The following RBMS1 variants were observed in gnomAD, a reference collection of about 807,000 sequenced individuals.
RBMS1 encodes the protein RNA-binding motif, single-stranded-interacting protein 1.
RBMS1 carries 17 observed loss-of-function variants against 62.3 expected under a neutral mutation model. The observed-to-expected ratio is 0.27, with a 90% confidence interval of 0.19 to 0.41. The LOEUF is 0.41. Ranked by LOEUF, RBMS1 falls within the 10% of genes least tolerant of loss-of-function variation. RBMS1 has a pLI of 1.00. For synonymous variants in RBMS1, 172 were observed against 170.0 expected, an observed-to-expected ratio of 1.01 and a Z score of -0.09; for missense variants, 334 against 504.5, an observed-to-expected ratio of 0.66 and a Z score of 3.24.
At chr2:160,448,059 T>C (rs1282500134) in intron 1 of RBMS1, among the ~76,000 whole-genome samples, 1 of 152,184 alleles carries the variant, frequency 6.6e-6, no homozygotes, top group Non-Finnish European at 1.5e-5. Context: ...TAACAAAATC[T>C]GATAACAGGA....
At chr2:160,380,665 G>A (rs999243309) in intron 1 of RBMS1, among the ~76,000 whole-genome samples, 1 of 152,322 alleles carries the variant, frequency 6.6e-6, no homozygotes, top group African/African-American at 2.4e-5. Context: ...AGAAATGGTG[G>A]TTTGTTGTTG....
intron 2 of RBMS1, among the ~76,000 whole-genome samples, chr2:160,328,775 G>A (rs1242043644): frequency 3.3e-5 from 5 of 152,098 alleles, no homozygotes; most frequent in Admixed American, 3.3e-4. Context: ...CTCTAAATTT[G>A]TCACTCCTTT....
At chr2:160,329,402 A>AT (rs1196727073) in intron 2 of RBMS1, among the ~76,000 whole-genome samples, 1 of 152,164 alleles carries the variant, frequency 6.6e-6, no homozygotes, top group Non-Finnish European at 1.5e-5. Flanking sequence ...GTAAGAGCGG[A>AT]TCTGATGGAA....
At chr2:160,460,302 C>G (rs2105331069) in intron 1 of RBMS1, among the ~76,000 whole-genome samples, 1 of 152,324 alleles carries the variant, frequency 6.6e-6, no homozygotes, top group East Asian at 1.9e-4. Flanking sequence ...GCCTTCACCA[C>G]TCAGCATGTC....
intron 4 of RBMS1, among the ~76,000 whole-genome samples, chr2:160,312,343 C>T (rs1241894540): frequency 2.0e-5 from 3 of 151,762 alleles, no homozygotes; most frequent in South Asian, 4.2e-4. Flanking sequence ...AAGTCAAAAC[C>T]GTAGAGGGAA....
intron 6 of RBMS1, among the ~76,000 whole-genome samples, chr2:160,293,093 G>C (rs1170678422): frequency 6.6e-6 from 1 of 152,152 alleles, no homozygotes; most frequent in Non-Finnish European, 1.5e-5. Flanking sequence ...GAAGGTACCA[G>C]GGACATTCCA....
intron 1 of RBMS1, among the ~76,000 whole-genome samples, chr2:160,439,258 C>A (rs1028353302): frequency 6.7e-6 from 1 of 150,146 alleles, no homozygotes; most frequent in African/African-American, 2.5e-5. Flanking sequence ...ACTTCCCAGA[C>A]GGGGTGGCTG....
chr2:160,465,571 G>A (rs189557144), intron 1 of RBMS1, among the ~76,000 whole-genome samples: 190 of 152,166 alleles, frequency 1.2e-3, no homozygotes, highest in African/African-American at 4.3e-3. Flanking sequence ...CACTAACCAG[G>A]TTACAACCAA....
At chr2:160,306,151 G>GTGTGTGTA (rs1491577481) in intron 4 of RBMS1, among the ~76,000 whole-genome samples, 6 of 151,120 alleles carry the variant, frequency 4.0e-5, no homozygotes, top group African/African-American at 1.5e-4. Flanking sequence ...GTGTGTGTGT[G>GTGTGTGTA]TATACACATA....
chr2:160,282,986 G>C (rs1688183071), intron 9 of RBMS1: 1 of 152,070 alleles, frequency 6.6e-6, no homozygotes. Context: ...GCCCAGGAGA[G>C]GAAATAAGGC....
intron 2 of RBMS1, among the ~76,000 whole-genome samples, chr2:160,331,612 A>G (rs1394521647): frequency 6.6e-6 from 1 of 152,208 alleles, no homozygotes; most frequent in Non-Finnish European, 1.5e-5. Flanking sequence ...AATAAATAAG[A>G]CAGCCTGTTT....
At chr2:160,345,320 A>G (rs541433133) in intron 2 of RBMS1, among the ~76,000 whole-genome samples, 62 of 152,202 alleles carry the variant, frequency 4.1e-4, no homozygotes, top group Non-Finnish European at 6.8e-4. Context: ...GGAAAGGGTG[A>G]GTTACTAACA....
intron 1 of RBMS1, chr2:160,407,595 G>A (rs1695817494): frequency 2.0e-6 from 2 of 982,914 alleles, no homozygotes; most frequent in South Asian, 4.5e-5. Context: ...TCGCCGCGAG[G>A]GGGAGGGCGC....
At chr2:160,319,323 C>T (rs1574274224) in intron 2 of RBMS1, among the ~76,000 whole-genome samples, 2 of 152,204 alleles carry the variant, frequency 1.3e-5, no homozygotes, top group Admixed American at 1.3e-4. Flanking sequence ...ACCAGCTTGG[C>T]CAACATGGCA....
chr2:160,407,785 C>T (rs1332748090), intron 1 of RBMS1: 14 of 981,194 alleles, frequency 1.4e-5, no homozygotes, highest in East Asian at 1.1e-4. Flanking sequence ...GCAGCCGCCG[C>T]CCTGCGTGCC....
chr2:160,447,866 T>C (rs552909637), intron 1 of RBMS1, among the ~76,000 whole-genome samples: 1 of 152,350 alleles, frequency 6.6e-6, no homozygotes, highest in South Asian at 2.1e-4. Context: ...TTGATAACCA[T>C]GGGGAAGATG....
chr2:160,297,799 A>G (rs1012622245), intron 6 of RBMS1, among the ~76,000 whole-genome samples: 1 of 152,220 alleles, frequency 6.6e-6, no homozygotes, highest in African/African-American at 2.4e-5. Flanking sequence ...TGTTGGGAAT[A>G]CCATTTGTAG....
intron 2 of RBMS1, among the ~76,000 whole-genome samples, chr2:160,346,325 G>T (rs1298318031): frequency 2.0e-5 from 3 of 152,120 alleles, no homozygotes; most frequent in Non-Finnish European, 4.4e-5. Flanking sequence ...CAGTTCATGG[G>T]GTCTCCTGGT....
intron 1 of RBMS1, among the ~76,000 whole-genome samples, chr2:160,433,590 T>C (rs992866924): frequency 6.6e-6 from 1 of 152,230 alleles, no homozygotes; most frequent in Non-Finnish European, 1.5e-5. Context: ...AGGTATAATT[T>C]TGATTCCTGG....
Sources: allele counts gnomAD v4.1 joint callset (sites outside exome capture counted in the v4.1 genomes callset), GRCh38; gene constraint gnomAD v4.1.1; transcripts MANE v1.5; gene names NCBI Gene and HGNC (gene_info 2026-07-23, HGNC 2026-07-21).